Variants in CHD4 observed in about 807,000 individuals in gnomAD.
CHD4 encodes chromodomain helicase DNA binding protein 4, also known as ATP-dependent chromatin remodeler CHD4.
CHD4 carries 35 observed loss-of-function variants against 235.5 expected under a neutral mutation model. The observed-to-expected ratio is 0.15, with a 90% confidence interval of 0.11 to 0.20. The LOEUF (loss-of-function observed/expected upper bound fraction) is 0.20. Ranked by LOEUF, CHD4 falls within the 10% of genes least tolerant of loss-of-function variation. CHD4 has a pLI of 1.00. For synonymous variants in CHD4, 900 were observed against 850.2 expected (o/e 1.06, Z -1.02); for missense variants, 1,329 against 2,432.3 (o/e 0.55, Z 9.54).
At chr12:6,594,099 T>C (rs1037747717) in intron 15 of CHD4, among the ~76,000 whole-genome samples, 5 of 152,172 alleles carry the variant, frequency 3.3e-5, no homozygotes, top group Admixed American at 6.5e-5. Flanking sequence ...GCTTCCAAAG[T>C]GCTGGGATTA....
chr12:6,594,671 G>A lies in CHD4; in HGVS notation c.2122-21C>T, dbSNP rs372189643. The A allele has an allele frequency of 3.1e-6, 5 of 1,603,234 alleles. No homozygotes were observed. In the African/African-American group the frequency reaches 5.4e-5, roughly 17 times the overall value. Reference sequence around the variant, plus strand: ...GTTGGCTGAAGGATGAAACAGAGAAGTCAAGAGCTGGCAAGGAACTCCCCT... The same window carrying A: ...GTTGGCTGAAGGATGAAACAGAGAAATCAAGAGCTGGCAAGGAACTCCCCT... On this transcript the variant is annotated intron_variant, in intron 14 of 39. Coordinates refer to ENST00000544040, the MANE Select transcript of CHD4 (RefSeq NM_001273.5).
chr12:6,602,182 C>T lies in CHD4; in HGVS notation c.223-7G>A. The T allele has an allele frequency of 6.2e-7, 1 of 1,613,798 alleles. No individual in the cohort carries two copies. The highest frequency in any genetic ancestry group is 8.5e-7 in the Non-Finnish European group (1 of 1,179,864). On this transcript the variant is annotated splice_polypyrimidine_tract_variant and splice_region_variant and intron_variant, in intron 3 of 39. Coordinates refer to ENST00000544040, the MANE Select transcript of CHD4 (RefSeq NM_001273.5). ...GCCGGCATAAGAGCATACGCTGGAG[C>T]AGGGCAAGGGGGGAAGAGGGAGACA...
chr12:6,593,620 T>C lies in CHD4; in HGVS notation c.2314-4A>G. On this transcript the variant is annotated splice_region_variant and splice_polypyrimidine_tract_variant and intron_variant, in intron 15 of 39. Coordinates refer to ENST00000544040, the MANE Select transcript of CHD4 (RefSeq NM_001273.5). This position sits in a 1 kb window ranked among gnomAD's most constrained non-coding sequence, Gnocchi z 4.9. ...GGAAGGGGCCTTTGGAATGACCCTT[T>C]GAGAAAAAAGAGGAGAGTCAGGACT... 1.2e-6 allele frequency: 2 copies of C among 1,613,344 alleles called. No homozygotes were observed. Among genetic ancestry groups the C allele is most frequent in the Non-Finnish European group, 1.7e-6 (2 of 1,179,796 alleles).
intron 5 of CHD4, 50 bp downstream of exon 5, chr12:6,601,598 A>T: frequency 6.2e-7 from 1 of 1,613,336 alleles, no homozygotes; most frequent in Non-Finnish European, 8.5e-7. Context: ...AAGTAAGAAG[A>T]GAGAACAGAA....
chr12:6,603,955 A>G (rs1209245660), intron 2 of CHD4, among the ~76,000 whole-genome samples: 4 of 152,190 alleles, frequency 2.6e-5, no homozygotes, highest in Non-Finnish European at 5.9e-5. Flanking sequence ...CTGCACAAAA[A>G]AACAGAGCAG....
chr12:6,580,879 T>G, intron 33 of CHD4, 165 bp downstream of exon 33: 2 of 713,892 alleles, frequency 2.8e-6, no homozygotes, highest in Non-Finnish European at 2.4e-6. Context: ...TGATGGCGTC[T>G]GTCTGTAATC....
chr12:6,601,411 A>G lies in CHD4; in HGVS notation c.677T>C (p.Val226Ala). 1 of 1,614,184 alleles carries G rather than the reference A, an allele frequency of 6.2e-7. No individual in the cohort carries two copies. Among genetic ancestry groups the G allele is most frequent in the East Asian group, 2.2e-5 (1 of 44,868 alleles). Reference protein sequence around the residue: ...NPFKGSSGASVAAAAAAAVAV... With the variant: ...NPFKGSSGASAAAAAAAAVAV... ...TACCGCTGCTGCTGCCGCAGCTGCC[A>G]CTGATGCCCCAGAACTGCCTTTGAA... Residue 226 changes from valine to alanine, a missense_variant, in exon 6 of 40, where the codon GTG (valine) becomes GCG (alanine). By Grantham distance (64) the Val-to-Ala change is moderately conservative (BLOSUM62 0). Around this residue, in one of 26 missense-constraint regions of CHD4, gnomAD observed 160 missense variants for 196.6 expected, o/e 0.81. Coordinates refer to ENST00000544040, the MANE Select transcript of CHD4 (RefSeq NM_001273.5).
chr12:6,585,712 C>A (rs1306608707), intron 25 of CHD4, among the ~76,000 whole-genome samples: 1 of 151,274 alleles, frequency 6.6e-6, no homozygotes, highest in Non-Finnish European at 1.5e-5. Context: ...CTGCTTGAAC[C>A]CGGGAGGCGG....
intron 23 of CHD4, 124 bp downstream of exon 23, chr12:6,588,173 CA>C: frequency 7.4e-7 from 1 of 1,343,684 alleles, no homozygotes; most frequent in Non-Finnish European, 1.0e-6. Flanking sequence ...AGGTAAACAA[CA>C]CAAAAAGAAT....
Position 6,596,144 on chromosome 12 carries a change from G to C in CHD4, c.1893-7C>G. 1 of 1,610,720 alleles carries C rather than the reference G, an allele frequency of 6.2e-7. No individual in the cohort carries two copies. Among genetic ancestry groups the C allele is most frequent in the Non-Finnish European group, 8.5e-7 (1 of 1,178,990 alleles). On this transcript the variant is annotated splice_polypyrimidine_tract_variant and splice_region_variant and intron_variant, in intron 12 of 39. Coordinates refer to ENST00000544040, the MANE Select transcript of CHD4 (RefSeq NM_001273.5). ...GTGGCCCTTCTTGTCCACACTGCAA[G>C]TCCAGGAGAGAAAACCCTCAGAGCC...
At chr12:6,586,566 T>G (rs576716023) in intron 25 of CHD4, among the ~76,000 whole-genome samples, 4 of 152,174 alleles carry the variant, frequency 2.6e-5, no homozygotes, top group Non-Finnish European at 5.9e-5. Flanking sequence ...TAAAAACATT[T>G]AAAAAATTAA....
intron 31 of CHD4, 50 bp from the exon 32 acceptor site, chr12:6,581,438 GAGA>G (rs764490880): frequency 1.5e-4 from 237 of 1,580,028 alleles, no homozygotes; most frequent in Non-Finnish European, 1.9e-4. Flanking sequence ...CTAGATCAGA[GAGA>G]AGGTCATTTC....
intron 13 of CHD4, 135 bp from the exon 14 acceptor site, chr12:6,595,565 A>C: frequency 1.5e-6 from 1 of 666,134 alleles, no homozygotes; most frequent in Non-Finnish European, 2.6e-6. Flanking sequence ...AGACGGGCGG[A>C]TCACCTGAGG....
chr12:6,600,083 C>A, intron 9 of CHD4, 71 bp from the exon 10 acceptor site: 5 of 1,521,862 alleles, frequency 3.3e-6, no homozygotes, highest in Non-Finnish European at 3.6e-6. Flanking sequence ...CAGTGCCCAT[C>A]ATTCCTTTGA....
At position 6,578,470 on chromosome 12, in the gene CHD4, C is replaced by T. The variant is rs1210885324; in HGVS notation, c.5058G>A (p.Glu1686=). The T allele has an allele frequency of 4.3e-6, 7 of 1,614,042 alleles. No individual in the cohort carries two copies. The South Asian group carries it at 7.7e-5, about 18-fold the overall frequency. The part of the protein sequence containing the change: ...NGETPKDLND[E]KQKKNIKQRF... ...GTTGTTTAATATTTTTCTTCTGTTTCTCATCATTCAGGTCCTTGGGGGTCT... is the reference window on the plus strand; with the variant it reads ...GTTGTTTAATATTTTTCTTCTGTTTTTCATCATTCAGGTCCTTGGGGGTCT... Residue 1686 remains glutamate, a synonymous_variant, in exon 35 of 40, where the codon GAG becomes GAA. Transcript: ENST00000544040.
chr12:6,581,429 T>C, intron 31 of CHD4, 41 bp from the exon 32 acceptor site: 1 of 1,587,870 alleles, frequency 6.3e-7, no homozygotes, highest in Non-Finnish European at 8.6e-7. Context: ...AAGAAGGTAC[T>C]AGATCAGAGA....
chr12:6,573,557 G>A (rs1484120705), intron 37 of CHD4, among the ~76,000 whole-genome samples: 4 of 152,102 alleles, frequency 2.6e-5, no homozygotes, highest in African/African-American at 9.7e-5. Flanking sequence ...TTTAACAACA[G>A]ATAATCCCAC....
intron 12 of CHD4, 112 bp from the exon 13 acceptor site, chr12:6,596,249 G>C: frequency 7.4e-7 from 1 of 1,353,146 alleles, no homozygotes; most frequent in Non-Finnish European, 1.0e-6. Flanking sequence ...GTATGCCACA[G>C]ATCACACGTT....
intron 34 of CHD4, 49 bp from the exon 35 acceptor site, chr12:6,578,595 C>T (rs1242585811): frequency 3.7e-6 from 6 of 1,605,872 alleles, no homozygotes; most frequent in African/African-American, 1.3e-5. Context: ...AAGCCCAGCA[C>T]CATCGCCCTT....
Sources: gnomAD v4.1 joint callset for allele counts (sites outside exome capture counted in the v4.1 genomes callset) on GRCh38, gnomAD v4.1.1 for gene constraint, gnomAD v4.1.1 regional missense constraint, Gnocchi (gnomAD v3.1) non-coding constraint, MANE v1.5 for transcripts, NCBI Gene and HGNC (gene_info 2026-07-23, HGNC 2026-07-21) for gene names.